The following CCRL2 variants were observed in gnomAD, a reference collection of about 807,000 sequenced individuals.
CCRL2 encodes C-C chemokine receptor-like 2.
For missense variants in CCRL2, 451 were observed against 412.4 expected, an observed-to-expected ratio of 1.09 and a Z score of -0.81; for synonymous variants, 181 against 165.6, an observed-to-expected ratio of 1.09 and a Z score of -0.71.
rs1490024874 is a variant in CCRL2 at position 46,407,397 on chromosome 3, G to A, written c.-118G>A. ...TTTCTCGTGCCCCTCAGGGTCAGGAGCAGTCTGATCAAAAGGAGGGCATCC... is the reference window on the plus strand; with the variant it reads ...TTTCTCGTGCCCCTCAGGGTCAGGAACAGTCTGATCAAAAGGAGGGCATCC... On this transcript the variant is annotated 5_prime_UTR_variant, in exon 1 of 2. Coordinates refer to ENST00000399036, the MANE Select transcript of CCRL2 (RefSeq NM_003965.5). 8.3e-6 allele frequency: 4 copies of A among 481,662 alleles called. No homozygotes were observed. Among genetic ancestry groups the A allele is most frequent in the African/African-American group, 2.1e-5 (1 of 48,386 alleles). The allele number at this position is 481,662 out of a possible 1,614,324, so 29.8% of individuals were successfully genotyped here. A position where few individuals can be genotyped will look rare whatever the true frequency, so the allele number is the denominator to read the frequency against.
rs1234797857 is a variant in CCRL2, at chr3:46,408,294, T to C, written c.215T>C (p.Val72Ala). Residue 72 changes from valine to alanine, a missense_variant, in exon 2 of 2, where the codon GTG (valine) becomes GCG (alanine). Transcript: ENST00000399036. ...ILVKYKGLKR[V>A]ENIYLLNLAV... ...GTAAAATATAAAGGACTCAAACGCG[T>C]GGAAAATATCTATCTTCTAAACTTG... The C allele has an allele frequency of 1.9e-6, 3 of 1,614,122 alleles. No homozygotes were observed. Among genetic ancestry groups the C allele is most frequent in the Non-Finnish European group, 2.5e-6 (3 of 1,180,048 alleles).
intron 1 of CCRL2, 102 bp downstream of exon 1, chr3:46,407,604 A>G (rs1276225756): frequency 2.2e-6 from 3 of 1,347,846 alleles, no homozygotes; most frequent in Non-Finnish European, 3.1e-6. Context: ...CCTTCGAGAG[A>G]AAAACGTCTC....
Position 46,407,382 on chromosome 3 carries a change from C to G in CCRL2, c.-133C>G, listed in dbSNP as rs911113396. The G allele has an allele frequency of 2.7e-5, 11 of 411,314 alleles. No homozygotes were observed. The highest frequency in any genetic ancestry group is 6.1e-4 in the Middle Eastern group (1 of 1,628). The allele number at this position is 411,314 out of a possible 1,614,324, so 25.5% of individuals were successfully genotyped here. A position where few individuals can be genotyped will look rare whatever the true frequency, so the allele number is the denominator to read the frequency against. ...GGGAATCAACAGTGGTTTCTCGTGC[C>G]CCTCAGGGTCAGGAGCAGTCTGATC... is the stretch of plus-strand genomic sequence containing the variant. On this transcript the variant is annotated 5_prime_UTR_variant, in exon 1 of 2. Coordinates refer to ENST00000399036, the MANE Select transcript of CCRL2 (RefSeq NM_003965.5).
Position 46,407,412 on chromosome 3 carries a change from G to T in CCRL2, c.-103G>T. 2.0e-6 allele frequency: 1 copy of T among 506,930 alleles called. No homozygotes were observed. Among genetic ancestry groups the T allele is most frequent in the Non-Finnish European group, 3.4e-6 (1 of 292,590 alleles). The allele number at this position is 506,930 out of a possible 1,614,324, so 31.4% of individuals were successfully genotyped here. A position where few individuals can be genotyped will look rare whatever the true frequency, so the allele number is the denominator to read the frequency against. ...AGGGTCAGGAGCAGTCTGATCAAAA[G>T]GAGGGCATCCACTGTCCGGGGCCAT... On this transcript the variant is annotated 5_prime_UTR_variant, in exon 1 of 2. It adds an upstream start codon to the 5' untranslated region. Transcript: ENST00000399036.
chr3:46,409,392 C>A lies in CCRL2; in HGVS notation c.*278C>A. On this transcript the variant is annotated 3_prime_UTR_variant, in exon 2 of 2. Coordinates refer to ENST00000399036, the MANE Select transcript of CCRL2 (RefSeq NM_003965.5). ...AGGCGCGGAAATTTGTCTAAGATCA[C>A]ATAACTAGGAAGTGGCAGAACTGAT... 1 of 456,804 alleles carries A rather than the reference C, an allele frequency of 2.2e-6. No homozygotes were observed. Among genetic ancestry groups the A allele is most frequent in the Non-Finnish European group, 4.0e-6 (1 of 248,486 alleles). The allele number at this position is 456,804 out of a possible 1,614,324, so 28.3% of individuals were successfully genotyped here. A position where few individuals can be genotyped will look rare whatever the true frequency, so the allele number is the denominator to read the frequency against.
chr3:46,408,353 C>A lies in CCRL2; in HGVS notation c.274C>A (p.Pro92Thr). 6.2e-7 allele frequency: 1 copy of A among 1,614,246 alleles called. No homozygotes were observed. Among genetic ancestry groups the A allele is most frequent in the South Asian group, 1.1e-5 (1 of 91,088 alleles). The change falls in exon 2 of 2, where the codon CCC (proline) becomes ACC (threonine). Residue 92 changes from proline to threonine, a missense_variant. Physicochemically the swap from Pro to Thr is conservative, Grantham distance 38. Transcript: ENST00000399036. ...VSNLCFLLTL[P>T]FWAHAGGDPM... ...TAACTTGTGTTTCTTGCTTACCCTG[C>A]CCTTCTGGGCTCATGCTGGGGGCGA...
intron 1 of CCRL2, 128 bp downstream of exon 1, chr3:46,407,630 C>T (rs1235487371): frequency 2.0e-6 from 3 of 1,525,530 alleles, no homozygotes; most frequent in Non-Finnish European, 2.6e-6. Flanking sequence ...TCACAGGAAG[C>T]TGCTTCGGGG....
In CCRL2 at chr3:46,409,207, C is replaced by A; in HGVS notation, c.*93C>A. On this transcript the variant is annotated 3_prime_UTR_variant, in exon 2 of 2. Coordinates refer to ENST00000399036, the MANE Select transcript of CCRL2 (RefSeq NM_003965.5). Reference sequence around the variant, plus strand: ...TTTTCTACACATTTGTATACAAAATCGGATACAGGAAGAAAAGGGAGAGGT... The same window carrying A: ...TTTTCTACACATTTGTATACAAAATAGGATACAGGAAGAAAAGGGAGAGGT... The A allele has an allele frequency of 1.6e-6, 2 of 1,223,224 alleles. No homozygotes were observed. Among genetic ancestry groups the A allele is most frequent in the South Asian group, 1.5e-5 (1 of 68,932 alleles). The allele number at this position is 1,223,224 out of a possible 1,614,324, so 75.8% of individuals were successfully genotyped here. A position where few individuals can be genotyped will look rare whatever the true frequency, so the allele number is the denominator to read the frequency against.
chr3:46,409,095 A>G lies in CCRL2; in HGVS notation c.1016A>G (p.Asp339Gly), dbSNP rs184378837. ...CAAGGCACATCGAGGGAAGAACCTG[A>G]CCATTCCACCGAAGTGTAAACTAGC... ...SAQGTSREEP[D>G]HSTEV The change falls in exon 2 of 2, where the codon GAC becomes GGC. Residue 339 changes from aspartate to glycine, a missense_variant. Coordinates refer to ENST00000399036, the MANE Select transcript of CCRL2 (RefSeq NM_003965.5). 5.9e-5 allele frequency: 95 copies of G among 1,611,210 alleles called. No homozygotes were observed. In the East Asian group the frequency reaches 1.1e-3, roughly 19 times the overall value.
Position 46,408,186 on chromosome 3 carries a change from T to C in CCRL2, c.107T>C (p.Leu36Pro), listed in dbSNP as rs1421340796. 6.2e-7 allele frequency: 1 copy of C among 1,613,566 alleles called. No individual in the cohort carries two copies. Among genetic ancestry groups the C allele is most frequent in the Non-Finnish European group, 8.5e-7 (1 of 1,179,700 alleles). Residue 36 changes from leucine (L) to proline (P), a missense_variant, in exon 2 of 2, where the codon CTC (leucine) becomes CCC (proline). Leu to Pro is a moderately conservative substitution (Grantham distance 98). Coordinates refer to ENST00000399036, the MANE Select transcript of CCRL2 (RefSeq NM_003965.5). ...EQCDKYDAQA[L>P]SAQLVPSLCS... ...TGTGACAAGTATGACGCCCAGGCAC[T>C]CTCAGCCCAGCTGGTGCCATCACTC...
Position 46,408,770 on chromosome 3 carries a change from G to C in CCRL2, c.691G>C (p.Glu231Gln). 6.2e-7 allele frequency: 1 copy of C among 1,614,176 alleles called. No individual in the cohort carries two copies. The highest frequency in any genetic ancestry group is 8.5e-7 in the Non-Finnish European group (1 of 1,180,032). Residue 231 changes from glutamate to glutamine, a missense_variant, in exon 2 of 2, where the codon GAG becomes CAG. Transcript: ENST00000399036. ...VQMRKTLRFR[E>Q]QRYSLFKLVF... Reference sequence around the variant, plus strand: ...AATGAGAAAAACACTAAGGTTCAGGGAGCAGAGGTATAGCCTTTTCAAGCT... The same window carrying C: ...AATGAGAAAAACACTAAGGTTCAGGCAGCAGAGGTATAGCCTTTTCAAGCT...
Position 46,408,208 on chromosome 3 carries a change from ACT to A in CCRL2, c.132_133del (p.Cys45LeufsTer22). On this transcript the variant is annotated frameshift_variant, in exon 2 of 2. Coordinates refer to ENST00000399036, the MANE Select transcript of CCRL2 (RefSeq NM_003965.5). LOFTEE classifies it low-confidence loss of function (END_TRUNC). ...CACTCTCAGCCCAGCTGGTGCCATC[ACT>A]CTGCTCTGCTGTGTTTGTGATCGGT... Reference protein sequence around the residue: ...QALSAQLVPSLCSAVFVIGVL... With the variant: ...QALSAQLVPSXCSAVFVIGVL... 1 of 1,614,024 alleles carries A rather than the reference ACT, an allele frequency of 6.2e-7. No individual in the cohort carries two copies. The highest frequency in any genetic ancestry group is 8.5e-7 in the Non-Finnish European group (1 of 1,179,968).
In CCRL2 at chr3:46,408,843, A is replaced by G. The variant is rs779122354; in HGVS notation, c.764A>G (p.Asn255Ser). 1 of 1,614,148 alleles carries G rather than the reference A, an allele frequency of 6.2e-7. No homozygotes were observed. The highest frequency in any genetic ancestry group is 8.5e-7 in the Non-Finnish European group (1 of 1,180,036). ...TTCCTTCTGATGTGGGCGCCCTACAATATTGCATTTTTCCTGTCCACTTTC... is the reference window on the plus strand; with the variant it reads ...TTCCTTCTGATGTGGGCGCCCTACAGTATTGCATTTTTCCTGTCCACTTTC... ...VVFLLMWAPY[N>S]IAFFLSTFKE... The change falls in exon 2 of 2, where the codon AAT becomes AGT. Residue 255 changes from asparagine to serine, a missense_variant. Transcript: ENST00000399036.
Position 46,408,315 on chromosome 3 carries a change from A to C in CCRL2, c.236A>C (p.Asn79Thr). ...LKRVENIYLL[N>T]LAVSNLCFLL... ...CGCGTGGAAAATATCTATCTTCTAAACTTGGCAGTTTCTAACTTGTGTTTC... is the reference window on the plus strand; with the variant it reads ...CGCGTGGAAAATATCTATCTTCTAACCTTGGCAGTTTCTAACTTGTGTTTC... Residue 79 changes from asparagine (N) to threonine (T), a missense_variant, in exon 2 of 2, where the codon AAC becomes ACC. Physicochemically the swap from Asn to Thr is moderately conservative, Grantham distance 65. Transcript: ENST00000399036. 6.2e-7 allele frequency: 1 copy of C among 1,614,130 alleles called. No homozygotes were observed. Among genetic ancestry groups the C allele is most frequent in the Non-Finnish European group, 8.5e-7 (1 of 1,180,014 alleles).
At position 46,408,189 on chromosome 3, in the gene CCRL2, C is replaced by A. The variant is rs1328257318; in HGVS notation, c.110C>A (p.Ser37Ter). 7 of 1,613,586 alleles carry A rather than the reference C, an allele frequency of 4.3e-6. No homozygotes were observed. The highest frequency in any genetic ancestry group is 5.9e-6 in the Non-Finnish European group (7 of 1,179,714). The stretch of plus-strand genomic sequence containing the variant: ...GACAAGTATGACGCCCAGGCACTCT[C>A]AGCCCAGCTGGTGCCATCACTCTGC... ...QCDKYDAQAL[S>*]AQLVPSLCSA... The change falls in exon 2 of 2, where the codon TCA becomes TAA. Residue 37 changes from serine (S) to a stop codon, truncating the protein, a stop_gained. Coordinates refer to ENST00000399036, the MANE Select transcript of CCRL2 (RefSeq NM_003965.5). LOFTEE classifies it low-confidence loss of function (END_TRUNC).
chr3:46,407,895 T>C (rs1702071035), intron 1 of CCRL2, 173 bp from the exon 2 acceptor site: 1 of 667,942 alleles, frequency 1.5e-6, no homozygotes, highest in East Asian at 2.7e-5. Context: ...TCTGGGGAAG[T>C]GGGCACACGT....
intron 1 of CCRL2, 153 bp from the exon 2 acceptor site, chr3:46,407,915 G>A (rs551814209): frequency 7.4e-4 from 511 of 688,950 alleles, no homozygotes; most frequent in Non-Finnish European, 1.1e-3. Context: ...TTAAAGAAAT[G>A]TTTATTTCAG....
rs1702090409 is a variant in CCRL2, at chr3:46,408,604, A to C, written c.525A>C (p.Glu175Asp). ...PEFVVYKPQM[E>D]DQKYKCAFSR... is the part of the protein sequence containing the mutation. ...TCGTGGTTTATAAACCTCAGATGGA[A>C]GACCAGAAATACAAGTGTGCATTTA... is the stretch of plus-strand genomic sequence containing the variant. The change falls in exon 2 of 2, where the codon GAA becomes GAC. Residue 175 changes from glutamate (E) to aspartate (D), a missense_variant. By Grantham distance (45) the Glu-to-Asp change is conservative. Coordinates refer to ENST00000399036, the MANE Select transcript of CCRL2 (RefSeq NM_003965.5). The C allele has an allele frequency of 3.1e-6, 5 of 1,614,126 alleles. No homozygotes were observed. The highest frequency in any genetic ancestry group is 3.4e-6 in the Non-Finnish European group (4 of 1,179,978).
At position 46,408,566 on chromosome 3, in the gene CCRL2, A is replaced by G; in HGVS notation, c.487A>G (p.Thr163Ala). The stretch of plus-strand genomic sequence containing the variant: ...GGCATGGGTAACAGCCATTCTGGCC[A>G]CTTTGCCTGAATTCGTGGTTTATAA... The part of the protein sequence containing the change: ...VLAWVTAILA[T>A]LPEFVVYKPQ... Residue 163 changes from threonine (T) to alanine (A), a missense_variant, in exon 2 of 2, where the codon ACT becomes GCT. Transcript: ENST00000399036. The G allele has an allele frequency of 2.5e-6, 4 of 1,614,158 alleles. No homozygotes were observed. Among genetic ancestry groups the G allele is most frequent in the Non-Finnish European group, 2.5e-6 (3 of 1,179,974 alleles).
Sources: allele counts gnomAD v4.1 joint callset, GRCh38; gene constraint gnomAD v4.1.1; transcripts MANE v1.5; gene names NCBI Gene and HGNC (gene_info 2026-07-23, HGNC 2026-07-21).